SLCO1C1: variants seen among roughly 807,000 people sequenced by gnomAD.
SLCO1C1 encodes the protein solute carrier organic anion transporter family member 1C1, also known as OAT-RP-5.
In SLCO1C1, 70 loss-of-function variants were observed where a neutral mutation model predicts 76.4. The observed-to-expected ratio is 0.92, with a 90% confidence interval of 0.76 to 1.12. The LOEUF is 1.12. Ranked by LOEUF, SLCO1C1 falls within the 50% of genes most tolerant of loss-of-function variation. The pLI is 0.00. For missense variants in SLCO1C1, 912 were observed against 823.8 expected (o/e 1.11, Z -1.31); for synonymous variants, 306 against 286.1 (o/e 1.07, Z -0.70).
intron 2 of SLCO1C1, among the ~76,000 whole-genome samples, chr12:20,700,972 T>G (rs1358789747): frequency 1.3e-5 from 2 of 152,102 alleles, no homozygotes; most frequent in East Asian, 1.9e-4. Flanking sequence ...TTCATTTACT[T>G]TCTTACCAAT....
chr12:20,747,021 A>T (rs1222576737), intron 13 of SLCO1C1, among the ~76,000 whole-genome samples: 1 of 152,166 alleles, frequency 6.6e-6, no homozygotes, highest in Non-Finnish European at 1.5e-5. Context: ...TGTTAGGAGT[A>T]AGAATGACAT....
intron 10 of SLCO1C1, among the ~76,000 whole-genome samples, chr12:20,733,623 AC>A (rs1948399380): frequency 6.6e-6 from 1 of 152,198 alleles, no homozygotes; most frequent in Admixed American, 6.5e-5. Flanking sequence ...AACTGGAGTT[AC>A]CTCTTTGCAA....
In SLCO1C1 at chr12:20,717,147, T is replaced by C. The variant is rs1296574596; in HGVS notation, c.692T>C (p.Val231Ala). Reference sequence around the variant, plus strand: ...CTTGGTGCAGGGTGTGTGCAGACGGTTGCAATTATAGGACCAATCTTTGGT... The same window carrying C: ...CTTGGTGCAGGGTGTGTGCAGACGGCTGCAATTATAGGACCAATCTTTGGT... ...AAFYIGCVQT[V>A]AIIGPIFGFL... The change falls in exon 7 of 15, where the codon GTT becomes GCT. Residue 231 changes from valine (V) to alanine (A), a missense_variant. By Grantham distance (64) the Val-to-Ala change is moderately conservative. Coordinates refer to ENST00000266509, the MANE Select transcript of SLCO1C1 (RefSeq NM_017435.5). 6.2e-7 allele frequency: 1 copy of C among 1,602,974 alleles called. No homozygotes were observed. Among genetic ancestry groups the C allele is most frequent in the Non-Finnish European group, 8.5e-7 (1 of 1,176,208 alleles).
At chr12:20,746,302 T>C (rs887442034) in intron 13 of SLCO1C1, among the ~76,000 whole-genome samples, 1 of 152,052 alleles carries the variant, frequency 6.6e-6, no homozygotes, top group East Asian at 1.9e-4. Context: ...ACTTTAAAAA[T>C]TTGGAGAATA....
chr12:20,712,322 T>C (rs540732452), intron 5 of SLCO1C1, among the ~76,000 whole-genome samples: 1 of 152,292 alleles, frequency 6.6e-6, no homozygotes, highest in African/African-American at 2.4e-5. Flanking sequence ...CTGTAGACAC[T>C]GGAAGTCCTA....
chr12:20,750,989 C>T, intron 14 of SLCO1C1, 197 bp downstream of exon 14: 1 of 992,546 alleles, frequency 1.0e-6, no homozygotes, highest in Admixed American at 2.7e-5. Context: ...CTATTCATTA[C>T]CTTGACCCCC....
chr12:20,717,347 C>T (rs1592257733), intron 7 of SLCO1C1, 117 bp downstream of exon 7: 1 of 700,746 alleles, frequency 1.4e-6, no homozygotes, highest in East Asian at 3.3e-5. Context: ...TGTAATCTTT[C>T]ATAAACTAAA....
Position 20,752,655 on chromosome 12 carries a change from C to T in SLCO1C1, c.*127C>T, listed in dbSNP as rs985807805. On this transcript the variant is annotated 3_prime_UTR_variant, in exon 15 of 15. Transcript: ENST00000266509. ...CAAAAAATGTCTACTTTGTTTTGGTCCTAGGCATTAGGTAATATAACTGAT... is the reference window on the plus strand; with the variant it reads ...CAAAAAATGTCTACTTTGTTTTGGTTCTAGGCATTAGGTAATATAACTGAT... 3 of 731,358 alleles carry T rather than the reference C, an allele frequency of 4.1e-6. No individual in the cohort carries two copies. The African/African-American group carries it at 5.3e-5, about 13-fold the overall frequency. The allele number at this position is 731,358 out of a possible 1,614,324, so 45.3% of individuals were successfully genotyped here.
chr12:20,734,174 G>A (rs1948434470), intron 10 of SLCO1C1, among the ~76,000 whole-genome samples: 1 of 152,060 alleles, frequency 6.6e-6, no homozygotes, highest in Non-Finnish European at 1.5e-5. Flanking sequence ...TTGTCTCTAT[G>A]TTCCAACTTC....
chr12:20,719,130 T>A (rs1947528030), intron 7 of SLCO1C1, among the ~76,000 whole-genome samples: 1 of 150,366 alleles, frequency 6.7e-6, no homozygotes, highest in Non-Finnish European at 1.5e-5. Context: ...ATTATTATTA[T>A]TAGCTTACCC....
chr12:20,737,462 T>G (rs1948604005), intron 11 of SLCO1C1, among the ~76,000 whole-genome samples, 190 bp downstream of exon 11: 1 of 152,134 alleles, frequency 6.6e-6, no homozygotes. Flanking sequence ...AAAATTAGGG[T>G]GAGAATTAGA....
At position 20,711,404 on chromosome 12, in the gene SLCO1C1, T is replaced by C. The variant is rs1592242203; in HGVS notation, c.423T>C (p.Tyr141=). The change falls in exon 5 of 15, where the codon TAT becomes TAC. Residue 141 remains tyrosine, a synonymous_variant. Coordinates refer to ENST00000266509, the MANE Select transcript of SLCO1C1 (RefSeq NM_017435.5). ...TATGCAGGTACAAATATGAGAGATA[T>C]TCTCCTTCCTCCAATTCCACTCTCA... ...FFMEQYKYER[Y]SPSSNSTLSI... The C allele has an allele frequency of 6.2e-7, 1 of 1,613,164 alleles. No homozygotes were observed. The highest frequency in any genetic ancestry group is 8.5e-7 in the Non-Finnish European group (1 of 1,179,554).
chr12:20,711,032 C>T (rs965750556), intron 4 of SLCO1C1, among the ~76,000 whole-genome samples: 23 of 151,988 alleles, frequency 1.5e-4, no homozygotes, highest in Non-Finnish European at 2.9e-4. Flanking sequence ...TTGTCTTGGG[C>T]CACACATAAA....
chr12:20,751,045 A>C (rs1364057620), intron 14 of SLCO1C1: 2 of 692,610 alleles, frequency 2.9e-6, no homozygotes, highest in Non-Finnish European at 4.6e-6. Flanking sequence ...AAGTGTCCAG[A>C]ATACAGTAGA....
chr12:20,706,506 A>T (rs567315195), intron 4 of SLCO1C1, among the ~76,000 whole-genome samples: 1 of 152,300 alleles, frequency 6.6e-6, no homozygotes, highest in East Asian at 1.9e-4. Flanking sequence ...CAAGTATTCA[A>T]TGTCCATACA....
intron 5 of SLCO1C1, among the ~76,000 whole-genome samples, chr12:20,714,580 C>A (rs1314288254): frequency 6.6e-6 from 1 of 152,034 alleles, no homozygotes; most frequent in African/African-American, 2.4e-5. Flanking sequence ...TTTCCAGAGT[C>A]CTAAAAATGG....
In SLCO1C1 at chr12:20,699,658, G is replaced by T. The variant is rs552600072; in HGVS notation, c.82G>T (p.Glu28Ter). The stretch of plus-strand genomic sequence containing the variant: ...TGTTGGAAGGCCTTCTTTTAAAACA[G>T]AATATCCCTCCTCAGAAGAAAAGCA... Reference protein sequence around the residue: ...QPVGRPSFKTEYPSSEEKQPC... With the variant: ...QPVGRPSFKT Residue 28 changes from glutamate to a stop codon, truncating the protein, a stop_gained, in exon 2 of 15, where the codon GAA (glutamate) becomes TAA (stop). Coordinates refer to ENST00000266509, the MANE Select transcript of SLCO1C1 (RefSeq NM_017435.5). LOFTEE classifies it high-confidence loss of function. 6.2e-7 allele frequency: 1 copy of T among 1,612,330 alleles called. No homozygotes were observed. The highest frequency in any genetic ancestry group is 2.2e-5 in the East Asian group (1 of 44,788).
rs990952978 is a variant in SLCO1C1, at chr12:20,738,685, T to A, written c.1548+1413T>A. Among the ~76,000 whole-genome samples, 7 of 152,252 alleles carry A rather than the reference T, an allele frequency of 4.6e-5. No individual in the cohort carries two copies. The East Asian group carries it at 7.7e-4, about 17-fold the overall frequency. On this transcript the variant is annotated intron_variant, in intron 11 of 14. Transcript: ENST00000266509. ...ATTTTTGCTCACAGCTGCATGAAGG[T>A]TTTTTTGTAATGAGAGCTACCATTT... is the stretch of plus-strand genomic sequence containing the variant.
intron 7 of SLCO1C1, 138 bp downstream of exon 7, chr12:20,717,368 T>G: frequency 1.7e-6 from 1 of 574,622 alleles, no homozygotes. Flanking sequence ...AATTTTATTA[T>G]TAATATAGTT....
Sources: allele counts gnomAD v4.1 joint callset (sites outside exome capture counted in the v4.1 genomes callset), GRCh38; gene constraint gnomAD v4.1.1; transcripts MANE v1.5; gene names NCBI Gene and HGNC (gene_info 2026-07-23, HGNC 2026-07-21).